The following PDE9A variants were observed in gnomAD, a reference collection of about 807,000 sequenced individuals.
PDE9A encodes the protein phosphodiesterase 9A.
A neutral mutation model predicts 87.4 loss-of-function variants in PDE9A; 60 were observed. The ratio of observed to expected loss-of-function variants is 0.69; its 90% CI spans 0.56 to 0.85. The LOEUF (loss-of-function observed/expected upper bound fraction) is 0.85. PDE9A is among the 40% of genes least tolerant of loss of function. The probability of loss-of-function intolerance (pLI) is 0.00; values close to 1 mark genes in which losing one functional copy is unlikely to be tolerated. For synonymous variants in PDE9A, 272 were observed against 279.4 expected (o/e 0.97, Z 0.27); for missense variants, 665 against 779.0 (o/e 0.85, Z 1.74).
chr21:42,707,361 G>A (rs1385833288), intron 4 of PDE9A, among the ~76,000 whole-genome samples: 1 of 152,128 alleles, frequency 6.6e-6, no homozygotes, highest in Non-Finnish European at 1.5e-5. Flanking sequence ...CCCCCTACCT[G>A]AGGACTTCCT....
rs1278760662 is a variant in PDE9A, at chr21:42,740,836, A to G, written c.569-2940A>G. Among the ~76,000 whole-genome samples the G allele has an allele frequency of 7.2e-5, 11 of 152,284 alleles. No individual in the cohort carries two copies. In the East Asian group the frequency reaches 2.1e-3, roughly 29 times the overall value. ...TATTTAGAAGGCTGGGAGTGGGCAG[A>G]AAGCCTGGAAGGACACACATTAATA... On this transcript the variant is annotated intron_variant, in intron 7 of 19. Transcript: ENST00000291539.
chr21:42,754,164 T>A, intron 10 of PDE9A, 100 bp downstream of exon 10: 1 of 666,034 alleles, frequency 1.5e-6, no homozygotes, highest in Non-Finnish European at 2.6e-6. Context: ...CTTCTTGCTT[T>A]TTCCTCTTCT....
chr21:42,698,913 G>C (rs996628430), intron 3 of PDE9A, 55 bp from the exon 4 acceptor site: 15 of 1,238,070 alleles, frequency 1.2e-5, no homozygotes, highest in Non-Finnish European at 1.8e-5. Flanking sequence ...CTCCTGCCAG[G>C]CATACAGCGA....
At chr21:42,656,777 C>T (rs2145772840) in intron 1 of PDE9A, among the ~76,000 whole-genome samples, 1 of 152,080 alleles carries the variant, frequency 6.6e-6, no homozygotes, top group East Asian at 1.9e-4. Context: ...GCCTCCTGAG[C>T]CCTACACGAA....
At chr21:42,735,619 G>A (rs142178719) in intron 7 of PDE9A, among the ~76,000 whole-genome samples, 1 of 152,228 alleles carries the variant, frequency 6.6e-6, no homozygotes, top group Non-Finnish European at 1.5e-5. Flanking sequence ...CTCTGCCTGT[G>A]TCTACACGTG....
At chr21:42,741,788 T>C (rs2146874883) in intron 7 of PDE9A, 1 of 152,340 alleles carries the variant, frequency 6.6e-6, no homozygotes, top group South Asian at 2.1e-4. Context: ...GCTGCAGTAC[T>C]TCCTTTGGGG....
intron 19 of PDE9A, among the ~76,000 whole-genome samples, chr21:42,774,927 G>A (rs975932210): frequency 6.0e-5 from 9 of 148,852 alleles, no homozygotes; most frequent in African/African-American, 1.5e-4. Context: ...ACGTTTCTGC[G>A]ACTGCTGGCA....
intron 19 of PDE9A, among the ~76,000 whole-genome samples, chr21:42,774,105 TAATA>T (rs1268804154): frequency 1.1e-4 from 16 of 151,796 alleles, no homozygotes; most frequent in African/African-American, 3.4e-4. Context: ...AATAAGTAAA[TAATA>T]AATAAGGTCA....
intron 4 of PDE9A, chr21:42,701,255 A>C (rs1173308931): frequency 6.6e-6 from 1 of 151,826 alleles, no homozygotes; most frequent in Non-Finnish European, 1.5e-5. Context: ...AATTTCCGGT[A>C]GTTTTTAGTT....
chr21:42,686,378 A>T (rs2146177658), intron 2 of PDE9A, 116 bp downstream of exon 2: 1 of 782,482 alleles, frequency 1.3e-6, no homozygotes, highest in Non-Finnish European at 2.2e-6. Flanking sequence ...GCCTTCTACA[A>T]GGGGCTCTTC....
At chr21:42,740,583 G>GGA (rs2053036167) in intron 7 of PDE9A, among the ~76,000 whole-genome samples, 57 of 108,878 alleles carry the variant, frequency 5.2e-4, no homozygotes, top group African/African-American at 2.2e-3. Context: ...AGATGGATGG[G>GGA]TGGATGGATG....
At chr21:42,757,845 G>A (rs1339396933) in intron 10 of PDE9A, 4 of 152,268 alleles carry the variant, frequency 2.6e-5, no homozygotes, top group African/African-American at 9.6e-5. Flanking sequence ...ACCCTGACTA[G>A]ATGGAAACTT....
At chr21:42,662,933 GCACACCACGCACACGCACATCACATGCA>G (rs1291043915) in intron 1 of PDE9A, among the ~76,000 whole-genome samples, 2 of 119,436 alleles carry the variant, frequency 1.7e-5, no homozygotes, top group Admixed American at 8.9e-5. Flanking sequence ...TCACACACAT[GCACACCACGCACACGCACATCACATGCA>G]CACGCCACGC....
chr21:42,720,543 G>C (rs987069820), intron 4 of PDE9A, among the ~76,000 whole-genome samples: 3 of 152,122 alleles, frequency 2.0e-5, no homozygotes, highest in Non-Finnish European at 4.4e-5. Context: ...AAGCCACACA[G>C]AAAGAAAAAT....
chr21:42,663,549 G>A (rs2057752384), intron 1 of PDE9A, among the ~76,000 whole-genome samples: 1 of 152,212 alleles, frequency 6.6e-6, no homozygotes, highest in African/African-American at 2.4e-5. Flanking sequence ...GGTTTGAAGT[G>A]GTTGAGCTTG....
intron 1 of PDE9A, among the ~76,000 whole-genome samples, chr21:42,657,742 C>T (rs924575752): frequency 2.6e-5 from 4 of 152,204 alleles, no homozygotes; most frequent in African/African-American, 4.8e-5. Flanking sequence ...TGAGGAGCCA[C>T]ATCTGGGCAA....
chr21:42,772,294 C>T (rs1029248958), intron 18 of PDE9A, 145 bp from the exon 19 acceptor site: 2 of 614,048 alleles, frequency 3.3e-6, no homozygotes, highest in South Asian at 1.8e-5. Context: ...AAGCCCATGT[C>T]AGGAGTGCTT....
At position 42,722,720 on chromosome 21, in the gene PDE9A, G is replaced by C. The variant is rs1235006511; in HGVS notation, c.263-9050G>C. On this transcript the variant is annotated intron_variant, in intron 4 of 19. Coordinates refer to ENST00000291539, the MANE Select transcript of PDE9A (RefSeq NM_002606.3). The surrounding 1 kb of genome is among the most constrained non-coding windows in gnomAD (Gnocchi z 4.1). ...GACGGAAGAACTGCTGTTGCTGCTA[G>C]TATTCTCTTCAGCACAAGATAAAAA... Among the ~76,000 whole-genome samples, 1 of 152,170 alleles carries C rather than the reference G, an allele frequency of 6.6e-6. No homozygotes were observed. The highest frequency in any genetic ancestry group is 1.5e-5 in the Non-Finnish European group (1 of 68,026).
At chr21:42,707,197 G>A (rs71320549) in intron 4 of PDE9A, among the ~76,000 whole-genome samples, 2,590 of 152,314 alleles carry the variant, frequency 0.017, 52 homozygotes, top group South Asian at 0.046. Context: ...AAGTCTAGCC[G>A]TCTTGAAGGG....
Sources: gnomAD v4.1 joint callset for allele counts (sites outside exome capture counted in the v4.1 genomes callset) on GRCh38, gnomAD v4.1.1 for gene constraint, Gnocchi (gnomAD v3.1) non-coding constraint, MANE v1.5 for transcripts, NCBI Gene and HGNC (gene_info 2026-07-23, HGNC 2026-07-21) for gene names.